The following POF1B variants were observed in gnomAD, a reference collection of about 807,000 sequenced individuals.
The protein encoded by POF1B is POF1B actin binding protein.
Under a neutral mutation model 55.3 loss-of-function variants are expected in POF1B, and 53 were observed. The ratio of observed to expected loss-of-function variants is 0.96; its 90% CI spans 0.77 to 1.20. POF1B has a LOEUF of 1.20. Among genes scored for constraint, POF1B ranks in the 50% most tolerant of loss-of-function variants. POF1B has a pLI of 0.00. For missense variants in POF1B, 478 were observed against 420.5 expected, an observed-to-expected ratio of 1.14 and a Z score of -1.20; for synonymous variants, 188 against 148.3, an observed-to-expected ratio of 1.27 and a Z score of -1.95.
intron 7 of POF1B, 91 bp from the exon 8 acceptor site, chrX:85,315,825 T>A (rs1436671726): frequency 4.2e-6 from 3 of 710,343 alleles, no homozygotes; most frequent in Non-Finnish European, 5.9e-6. Context: ...TTTATCTTAC[T>A]TTTTGAAATA....
chrX:85,361,095 T>G (rs1036923697), intron 3 of POF1B, among the ~76,000 whole-genome samples: 1 of 111,768 alleles, frequency 8.9e-6, no homozygotes, highest in Non-Finnish European at 1.9e-5. Flanking sequence ...TCTTGTAAAT[T>G]TGTGCAAGTT....
Position 85,303,393 on chromosome X carries a change from A to T in POF1B, c.1649+13T>A, listed in dbSNP as rs762989307. 3.8e-6 allele frequency: 4 copies of T among 1,062,178 alleles called. No individual in the cohort carries two copies. The South Asian group carries it at 8.3e-5, about 22-fold the overall frequency. 87.5% of individuals were successfully genotyped at this position (1,062,178 alleles called of 1,213,427 possible). On this transcript the variant is annotated intron_variant, in intron 15 of 16. Transcript: ENST00000262753. Reference sequence around the variant, plus strand: ...TAATTTTTATATTCAAATTTCATTTAAAAATACATTACTTTTTAGTGGTAA... The same window carrying T: ...TAATTTTTATATTCAAATTTCATTTTAAAATACATTACTTTTTAGTGGTAA...
chrX:85,307,234 A>G lies in POF1B; in HGVS notation c.1093T>C (p.Phe365Leu). 1 of 1,203,606 alleles carries G rather than the reference A, an allele frequency of 8.3e-7. No individual in the cohort carries two copies. Among genetic ancestry groups the G allele is most frequent in the Non-Finnish European group, 1.1e-6 (1 of 890,730 alleles). The stretch of plus-strand genomic sequence containing the variant: ...TACTCTTTTAATTGAGTGTCTTTGA[A>G]TGATAAATCTTTCTCAAGTCTCATC... The part of the protein sequence containing the change: ...DKMRLEKDLS[F>L]KDTQLKEYEE... The change falls in exon 11 of 17, where the codon TTC becomes CTC. Residue 365 changes from phenylalanine to leucine, a missense_variant. Coordinates refer to ENST00000262753, the MANE Select transcript of POF1B (RefSeq NM_024921.4).
At chrX:85,326,782 G>A (rs1322061920) in intron 7 of POF1B, among the ~76,000 whole-genome samples, 1 of 109,323 alleles carries the variant, frequency 9.1e-6, no homozygotes, top group African/African-American at 3.3e-5. Flanking sequence ...TGCCCACGGG[G>A]GCTGCTTCCC....
chrX:85,315,650 A>G (rs1400508973), intron 8 of POF1B, 57 bp downstream of exon 8: 2 of 982,124 alleles, frequency 2.0e-6, no homozygotes, highest in African/African-American at 2.0e-5. Context: ...TATTGCAAAT[A>G]TCAGAATCTA....
At chrX:85,371,197 TG>T (rs1028890728) in intron 2 of POF1B, among the ~76,000 whole-genome samples, 14 of 111,927 alleles carry the variant, frequency 1.3e-4, no homozygotes, top group African/African-American at 4.6e-4. Flanking sequence ...AAATGGGATA[TG>T]GGTGTGGGCG....
At chrX:85,353,480 T>C (rs769920244) in intron 4 of POF1B, among the ~76,000 whole-genome samples, 2 of 110,863 alleles carry the variant, frequency 1.8e-5, no homozygotes, top group South Asian at 7.6e-4. Context: ...TACTACACGG[T>C]ACCAAAAATG....
At chrX:85,287,857 T>C (rs1219852970) in intron 15 of POF1B, among the ~76,000 whole-genome samples, 1 of 111,138 alleles carries the variant, frequency 9.0e-6, no homozygotes, top group Non-Finnish European at 1.9e-5. Flanking sequence ...TTTTAGCAAA[T>C]TGGATCTAGC....
At chrX:85,375,737 A>G (rs967503641) in intron 2 of POF1B, among the ~76,000 whole-genome samples, 1 of 111,676 alleles carries the variant, frequency 9.0e-6, no homozygotes, top group African/African-American at 3.3e-5. Flanking sequence ...CAACCAAAGA[A>G]AAAGCACAAA....
rs150168660 is a variant in POF1B, at chrX:85,282,738, A to G, written c.1650-421T>C. The stretch of plus-strand genomic sequence containing the variant: ...AGTAAATATAGGCAAAGGCACCCAG[A>G]GTTTGTGGGGCAGAGTATCAGACAG... On this transcript the variant is annotated intron_variant, in intron 15 of 16. Transcript: ENST00000262753. Among the ~76,000 whole-genome samples the G allele has an allele frequency of 1.3e-4, 14 of 110,439 alleles. No individual in the cohort carries two copies. In the East Asian group the frequency reaches 3.2e-3, roughly 25 times the overall value.
intron 6 of POF1B, among the ~76,000 whole-genome samples, chrX:85,334,989 T>A (rs949593048): frequency 4.5e-5 from 5 of 111,436 alleles, no homozygotes; most frequent in Middle Eastern, 9.2e-3. Context: ...AGAACAAACA[T>A]TTGTGAGAAT....
chrX:85,336,599 T>C (rs989187905), intron 6 of POF1B, among the ~76,000 whole-genome samples: 1 of 111,584 alleles, frequency 9.0e-6, no homozygotes, highest in Admixed American at 9.6e-5. Context: ...TTGCCATTTG[T>C]ACACCTTCTA....
At chrX:85,320,616 A>G (rs764118384) in intron 7 of POF1B, among the ~76,000 whole-genome samples, 1 of 111,672 alleles carries the variant, frequency 9.0e-6, no homozygotes, top group African/African-American at 3.2e-5. Context: ...GGAAATAGAG[A>G]CACAAAAAAC....
intron 3 of POF1B, among the ~76,000 whole-genome samples, chrX:85,365,930 C>A (rs1480284017): frequency 2.7e-5 from 3 of 110,751 alleles, no homozygotes; most frequent in African/African-American, 9.9e-5. Context: ...GGGTTCCCTG[C>A]CTGGTAATGA....
intron 15 of POF1B, among the ~76,000 whole-genome samples, chrX:85,296,783 C>T (rs1386169464): frequency 8.9e-6 from 1 of 111,913 alleles, no homozygotes; most frequent in Non-Finnish European, 1.9e-5. Flanking sequence ...GCATGTCAAC[C>T]TCTCTAATGA....
In POF1B at chrX:85,321,979, G is replaced by T. The variant is rs1190920659; in HGVS notation, c.855-6245C>A. On this transcript the variant is annotated intron_variant, in intron 7 of 16. Transcript: ENST00000262753. ...AAATGGAAGAACATTCCATGTTCATGGGTAGGAAGAATCAATATCGTGAAA... is the reference window on the plus strand; with the variant it reads ...AAATGGAAGAACATTCCATGTTCATTGGTAGGAAGAATCAATATCGTGAAA... Among the ~76,000 whole-genome samples the T allele has an allele frequency of 7.2e-5, 8 of 110,818 alleles. No individual in the cohort carries two copies. In the East Asian group the frequency reaches 2.0e-3, roughly 28 times the overall value.
intron 3 of POF1B, among the ~76,000 whole-genome samples, chrX:85,363,978 T>C (rs1933671850): frequency 8.9e-6 from 1 of 112,217 alleles, no homozygotes; most frequent in Admixed American, 9.5e-5. Context: ...TCCTGTTAAA[T>C]TGAAATCTTT....
chrX:85,290,188 A>T (rs1932150330), intron 15 of POF1B, among the ~76,000 whole-genome samples: 1 of 110,934 alleles, frequency 9.0e-6, no homozygotes, highest in Non-Finnish European at 1.9e-5. Context: ...TTTAGCTCCC[A>T]CATTTAAGTG....
In POF1B at chrX:85,308,186, G is replaced by T. The variant is rs775469481; in HGVS notation, c.988C>A (p.Leu330Ile). The T allele has an allele frequency of 2.5e-6, 3 of 1,182,607 alleles. No homozygotes were observed. In the East Asian group the frequency reaches 9.1e-5, roughly 36 times the overall value. Residue 330 changes from leucine (L) to isoleucine (I), a missense_variant, in exon 10 of 17, where the codon CTA (leucine) becomes ATA (isoleucine). Transcript: ENST00000262753. ...MRGMSDKSLRLVLSTFSNIRE... is the reference protein window; with the variant it reads ...MRGMSDKSLRIVLSTFSNIRE... ...ATGTTGCTAAATGTGGACAGCACTA[G>T]TCGGAGTGACTTATCAGACATACCC...
Sources: allele counts gnomAD v4.1 joint callset (sites outside exome capture counted in the v4.1 genomes callset), GRCh38; gene constraint gnomAD v4.1.1; transcripts MANE v1.5; gene names NCBI Gene and HGNC (gene_info 2026-07-23, HGNC 2026-07-21).